KPNA6: variants seen among roughly 807,000 people sequenced by gnomAD.
KPNA6 encodes the protein karyopherin subunit alpha 6.
KPNA6 carries 9 observed loss-of-function variants against 72.0 expected under a neutral mutation model. That is an observed-to-expected ratio of 0.13 (90% CI 0.08 to 0.22). The LOEUF (loss-of-function observed/expected upper bound fraction) is 0.22. Ranked by LOEUF, KPNA6 falls within the 10% of genes least tolerant of loss-of-function variation. The pLI is 1.00. For missense variants in KPNA6, 374 were observed against 655.7 expected (o/e 0.57, Z 4.69); for synonymous variants, 219 against 242.1 (o/e 0.90, Z 0.89).
intron 1 of KPNA6, among the ~76,000 whole-genome samples, chr1:32,123,171 A>T (rs1641467197): frequency 6.6e-6 from 1 of 152,112 alleles, no homozygotes; most frequent in Non-Finnish European, 1.5e-5. Context: ...GTTAAGGGAA[A>T]CAGAACTGTC....
rs770588651 is a variant in KPNA6, at chr1:32,166,204, A to G, written c.1090A>G (p.Thr364Ala). The change falls in exon 11 of 14, where the codon ACT becomes GCT. Residue 364 changes from threonine (T) to alanine (A), a missense_variant. Coordinates refer to ENST00000373625, the MANE Select transcript of KPNA6 (RefSeq NM_012316.5). ...AGCTTGCTGGACTATTTCAAATATT[A>G]CTGCTGGCAACAGGGCTCAAATACA... ...KEACWTISNITAGNRAQIQAV... is the reference protein window; with the variant it reads ...KEACWTISNIAAGNRAQIQAV... 3 of 1,614,014 alleles carry G rather than the reference A, an allele frequency of 1.9e-6. No homozygotes were observed. The highest frequency in any genetic ancestry group is 1.1e-5 in the South Asian group (1 of 91,066).
At chr1:32,143,883 T>G (rs1641885578) in intron 1 of KPNA6, among the ~76,000 whole-genome samples, 1 of 152,198 alleles carries the variant, frequency 6.6e-6, no homozygotes, top group Admixed American at 6.5e-5. Context: ...AATTTCAAGG[T>G]TCAATCATGT....
chr1:32,110,133 C>G (rs1304842901), intron 1 of KPNA6, among the ~76,000 whole-genome samples: 1 of 146,414 alleles, frequency 6.8e-6, no homozygotes, highest in African/African-American at 2.5e-5. Flanking sequence ...GGCCAGATCT[C>G]GGCTCACTGC....
intron 1 of KPNA6, among the ~76,000 whole-genome samples, chr1:32,149,483 C>A (rs1450027104): frequency 1.3e-5 from 2 of 152,166 alleles, no homozygotes; most frequent in Non-Finnish European, 2.9e-5. Flanking sequence ...ATCTTGGCCT[C>A]CCGAAGTATT....
intron 1 of KPNA6, among the ~76,000 whole-genome samples, chr1:32,139,900 T>G (rs577344737): frequency 6.6e-6 from 1 of 152,332 alleles, no homozygotes; most frequent in Non-Finnish European, 1.5e-5. Context: ...TACTGTTTTG[T>G]CTACTTTTGT....
intron 1 of KPNA6, among the ~76,000 whole-genome samples, chr1:32,148,239 G>A (rs944893470): frequency 1.3e-5 from 2 of 151,996 alleles, no homozygotes; most frequent in South Asian, 2.1e-4. Flanking sequence ...CCACTTGCTG[G>A]GATTACAAGT....
chr1:32,156,784 T>G, intron 2 of KPNA6, 69 bp from the exon 3 acceptor site: 1 of 1,211,478 alleles, frequency 8.3e-7, no homozygotes, highest in Non-Finnish European at 1.2e-6. Context: ...TGCCATAATT[T>G]AACATTGGAT....
chr1:32,121,834 G>A (rs1381059446), intron 1 of KPNA6, among the ~76,000 whole-genome samples: 5 of 151,730 alleles, frequency 3.3e-5, no homozygotes, highest in African/African-American at 9.7e-5. Context: ...TTAACCGGGC[G>A]TGGTGGTGTG....
rs533432336 is a variant in KPNA6, at chr1:32,112,485, TTTTA to T, written c.4+4371_4+4374del. Among the ~76,000 whole-genome samples the T allele has an allele frequency of 1.6e-4, 25 of 152,160 alleles. 1 individual carries two copies. The highest frequency in any genetic ancestry group is 2.1e-4 in the South Asian group (1 of 4,824). ...ATAATATGTAGAGTAAAAGTACCTC[TTTTA>T]TTTATTTATTTATTTATTTGAGACA... On this transcript the variant is annotated intron_variant, in intron 1 of 13. Transcript: ENST00000373625.
At position 32,128,390 on chromosome 1, in the gene KPNA6, TATATATATATATATATATA is replaced by T. The variant is rs1557462559; in HGVS notation, c.4+20257_4+20275del. ...ATTTTTTATATTATATATGTATTTA[TATATATATATATATATATA>T]TATATATATATATATATACACACAC... On this transcript the variant is annotated intron_variant, in intron 1 of 13. Coordinates refer to ENST00000373625, the MANE Select transcript of KPNA6 (RefSeq NM_012316.5). Among the ~76,000 whole-genome samples, 356 of 36,836 alleles carry T rather than the reference TATATATATATATATATATA, an allele frequency of 9.7e-3. 3 individuals are homozygous for T. The highest frequency in any genetic ancestry group is 0.042 in the African/African-American group (348 of 8,348). 24.2% of individuals were successfully genotyped at this position (36,836 alleles called of 152,430 possible).
At chr1:32,124,889 G>C (rs1641506168) in intron 1 of KPNA6, among the ~76,000 whole-genome samples, 1 of 151,958 alleles carries the variant, frequency 6.6e-6, no homozygotes, top group South Asian at 2.1e-4. Flanking sequence ...CTGTCGCCCA[G>C]GCTGCAGTAT....
intron 1 of KPNA6, among the ~76,000 whole-genome samples, chr1:32,152,660 A>G (rs1642052217): frequency 6.6e-6 from 1 of 152,114 alleles, no homozygotes; most frequent in East Asian, 1.9e-4. Context: ...CCTGGCTAAC[A>G]TGGTGAAACC....
chr1:32,163,085 C>G, intron 9 of KPNA6, 150 bp from the exon 10 acceptor site: 1 of 597,730 alleles, frequency 1.7e-6, no homozygotes, highest in Non-Finnish European at 3.0e-6. Context: ...GCCTGGGCGA[C>G]AGAGCGAGAC....
At chr1:32,125,566 C>T (rs1280635333) in intron 1 of KPNA6, among the ~76,000 whole-genome samples, 1 of 152,208 alleles carries the variant, frequency 6.6e-6, no homozygotes, top group African/African-American at 2.4e-5. Context: ...TCCATGAAGT[C>T]ACTGTCAGTC....
chr1:32,154,661 A>C lies in KPNA6; in HGVS notation c.78A>C (p.Glu26Asp). 1 of 1,614,140 alleles carries C rather than the reference A, an allele frequency of 6.2e-7. No individual in the cohort carries two copies. Among genetic ancestry groups the C allele is most frequent in the Non-Finnish European group, 8.5e-7 (1 of 1,180,010 alleles). ...AGAACAATGCTCTAAACCCTGAAGA[A>C]ATGAGACGAAGAAGAGAGGAAGAGG... is the stretch of plus-strand genomic sequence containing the variant. The part of the protein sequence containing the change: ...SYKNNALNPE[E>D]MRRRREEEGI... The change falls in exon 2 of 14, where the codon GAA becomes GAC. Residue 26 changes from glutamate to aspartate, a missense_variant. Physicochemically the swap from Glu to Asp is conservative, Grantham distance 45. Around this residue, in one of 3 missense-constraint regions of KPNA6, gnomAD observed 298 missense variants for 495.4 expected, o/e 0.60. Transcript: ENST00000373625.
At chr1:32,130,054 A>G (rs1310483231) in intron 1 of KPNA6, among the ~76,000 whole-genome samples, 1 of 152,170 alleles carries the variant, frequency 6.6e-6, no homozygotes, top group South Asian at 2.1e-4. Flanking sequence ...TGAGAATTCT[A>G]TGTGAGTCTA....
intron 1 of KPNA6, among the ~76,000 whole-genome samples, chr1:32,121,696 G>A (rs1641434917): frequency 6.6e-6 from 1 of 152,178 alleles, no homozygotes; most frequent in Admixed American, 6.5e-5. Context: ...AAAGAGGCCA[G>A]GTGTGGTGGC....
chr1:32,154,189 C>T (rs548094106), intron 1 of KPNA6, among the ~76,000 whole-genome samples: 1 of 151,824 alleles, frequency 6.6e-6, no homozygotes, highest in South Asian at 2.1e-4. Flanking sequence ...TCTGCAGACC[C>T]CTGGGATTAC....
intron 10 of KPNA6, among the ~76,000 whole-genome samples, chr1:32,164,827 G>A (rs1451646014): frequency 6.6e-6 from 1 of 151,178 alleles, no homozygotes; most frequent in Non-Finnish European, 1.5e-5. Context: ...CACATGTTTT[G>A]CAAATATTTT....
Sources: gnomAD v4.1 joint callset for allele counts (sites outside exome capture counted in the v4.1 genomes callset) on GRCh38, gnomAD v4.1.1 for gene constraint, gnomAD v4.1.1 regional missense constraint, MANE v1.5 for transcripts, NCBI Gene and HGNC (gene_info 2026-07-23, HGNC 2026-07-21) for gene names.